The following AGBL4 variants were observed in gnomAD, a reference collection of about 807,000 sequenced individuals.
The protein encoded by AGBL4 is AGBL carboxypeptidase 4.
In AGBL4, 58 loss-of-function variants were observed where a neutral mutation model predicts 66.4. The observed-to-expected ratio is 0.87, with a 90% confidence interval of 0.71 to 1.09. AGBL4 has a LOEUF of 1.09. Among genes scored for constraint, AGBL4 ranks in the 50% least tolerant of loss-of-function variants. The pLI is 0.00. For missense variants in AGBL4, 579 were observed against 631.0 expected, an observed-to-expected ratio of 0.92 and a Z score of 0.88; for synonymous variants, 234 against 222.9, an observed-to-expected ratio of 1.05 and a Z score of -0.44.
intron 6 of AGBL4, among the ~76,000 whole-genome samples, chr1:48,739,995 C>T (rs1480192484): frequency 6.6e-6 from 1 of 152,186 alleles, no homozygotes; most frequent in African/African-American, 2.4e-5. Flanking sequence ...CCTCTTCTGT[C>T]CCCTACAAAG....
intron 6 of AGBL4, among the ~76,000 whole-genome samples, chr1:48,810,098 C>T (rs1016672377): frequency 7.2e-5 from 11 of 152,162 alleles, no homozygotes; most frequent in Non-Finnish European, 1.5e-4. Context: ...TGGAACTACT[C>T]ATTTACTCAT....
At chr1:49,601,490 G>C (rs2124164003) in intron 3 of AGBL4, among the ~76,000 whole-genome samples, 1 of 151,944 alleles carries the variant, frequency 6.6e-6, no homozygotes, top group Non-Finnish European at 1.5e-5. Flanking sequence ...GCATGGTCCT[G>C]GTACCAAATC....
At chr1:48,996,465 T>C (rs142811152) in intron 5 of AGBL4, among the ~76,000 whole-genome samples, 4 of 152,224 alleles carry the variant, frequency 2.6e-5, no homozygotes, top group African/African-American at 9.6e-5. Context: ...GTGGCCACTG[T>C]GGAGAAGAAA....
intron 1 of AGBL4, among the ~76,000 whole-genome samples, chr1:49,905,138 T>C (rs763800559): frequency 1.1e-4 from 17 of 152,194 alleles, no homozygotes; most frequent in Non-Finnish European, 2.2e-4. Context: ...ATAATTTTCT[T>C]AAAATATATA....
chr1:48,587,517 A>C (rs1245719263), intron 10 of AGBL4, among the ~76,000 whole-genome samples: 2 of 151,892 alleles, frequency 1.3e-5, no homozygotes, highest in Non-Finnish European at 2.9e-5. Context: ...AGTCCCAGCT[A>C]CTTGGGAGGC....
chr1:48,526,705 A>G, the AGBL4 span, among the ~76,000 whole-genome samples: 2 of 152,224 alleles, frequency 1.3e-5, no homozygotes, highest in Non-Finnish European at 2.9e-5. Flanking sequence ...TAATAGAAGC[A>G]GCAGTAGCAG....
intron 4 of AGBL4, among the ~76,000 whole-genome samples, chr1:49,085,342 C>T (rs1644887073): frequency 6.6e-6 from 1 of 151,800 alleles, no homozygotes; most frequent in African/African-American, 2.4e-5. Flanking sequence ...TTTGGACTTA[C>T]ACTGGGATTT....
intron 6 of AGBL4, among the ~76,000 whole-genome samples, chr1:48,701,842 C>A (rs1646806727): frequency 6.6e-6 from 1 of 152,034 alleles, no homozygotes; most frequent in Non-Finnish European, 1.5e-5. Flanking sequence ...AACTCTCAGT[C>A]TACTAGAGGA....
At chr1:48,795,413 C>G (rs1285078893) in intron 6 of AGBL4, among the ~76,000 whole-genome samples, 3 of 152,040 alleles carry the variant, frequency 2.0e-5, no homozygotes, top group Non-Finnish European at 2.9e-5. Context: ...TTCCTCAACC[C>G]CTTCTTTTCC....
At chr1:49,898,570 T>C (rs1332703400) in intron 1 of AGBL4, among the ~76,000 whole-genome samples, 2 of 152,052 alleles carry the variant, frequency 1.3e-5, no homozygotes, top group African/African-American at 2.4e-5. Context: ...CTCAAAAATC[T>C]AAAAATAGAG....
chr1:49,348,631 A>G (rs1645687637), intron 3 of AGBL4, among the ~76,000 whole-genome samples: 1 of 152,222 alleles, frequency 6.6e-6, no homozygotes, highest in South Asian at 2.1e-4. Flanking sequence ...AGGGAGGAGG[A>G]CCGTGCTTTT....
intron 3 of AGBL4, among the ~76,000 whole-genome samples, chr1:49,323,227 G>A (rs1645161572): frequency 6.6e-6 from 1 of 152,140 alleles, no homozygotes; most frequent in Admixed American, 6.5e-5. Context: ...ACAAACTCCT[G>A]ACACACACCC....
At chr1:49,141,307 G>A (rs1468083370) in intron 4 of AGBL4, among the ~76,000 whole-genome samples, 2 of 151,884 alleles carry the variant, frequency 1.3e-5, no homozygotes, top group African/African-American at 4.8e-5. Flanking sequence ...CATGGACTCT[G>A]GAACCAAAGT....
At chr1:48,698,140 A>G (rs963793976) in intron 6 of AGBL4, among the ~76,000 whole-genome samples, 1 of 152,168 alleles carries the variant, frequency 6.6e-6, no homozygotes, top group African/African-American at 2.4e-5. Context: ...CTGCCTCCAT[A>G]CACACAGCTA....
chr1:48,924,800 A>G (rs938717411), intron 5 of AGBL4, among the ~76,000 whole-genome samples: 1 of 152,106 alleles, frequency 6.6e-6, no homozygotes, highest in Non-Finnish European at 1.5e-5. Context: ...TTCAAACCAC[A>G]TGTTTAAAAG....
At chr1:48,770,805 A>T (rs1457667265) in intron 6 of AGBL4, among the ~76,000 whole-genome samples, 1 of 152,150 alleles carries the variant, frequency 6.6e-6, no homozygotes, top group Non-Finnish European at 1.5e-5. Flanking sequence ...TCAGTTACTA[A>T]GTCCCATGAA....
At chr1:49,596,035 C>T (rs1034313952) in intron 3 of AGBL4, among the ~76,000 whole-genome samples, 1 of 152,120 alleles carries the variant, frequency 6.6e-6, no homozygotes, top group Non-Finnish European at 1.5e-5. Context: ...ATGAGAGAGG[C>T]AGGTTCTAAA....
At chr1:49,567,804 G>A (rs1644244098) in intron 3 of AGBL4, among the ~76,000 whole-genome samples, 1 of 152,104 alleles carries the variant, frequency 6.6e-6, no homozygotes, top group African/African-American at 2.4e-5. Context: ...GGCAAGGTTT[G>A]GTTCAACATA....
At chr1:49,354,018 G>A (rs1204675783) in intron 3 of AGBL4, among the ~76,000 whole-genome samples, 2 of 152,176 alleles carry the variant, frequency 1.3e-5, no homozygotes, top group African/African-American at 4.8e-5. Context: ...GGTACTAAGA[G>A]GGCAGGGTGT....
Sources: gnomAD v4.1 joint callset for allele counts (sites outside exome capture counted in the v4.1 genomes callset) on GRCh38, gnomAD v4.1.1 for gene constraint, MANE v1.5 for transcripts, NCBI Gene and HGNC (gene_info 2026-07-23, HGNC 2026-07-21) for gene names.